STK32B: variants seen among roughly 807,000 people sequenced by gnomAD.
The protein encoded by STK32B is serine/threonine kinase 32B.
A neutral mutation model predicts 52.6 loss-of-function variants in STK32B; 43 were observed. The observed-to-expected ratio is 0.82, with a 90% CI of 0.64 to 1.05. The LOEUF (loss-of-function observed/expected upper bound fraction) is 1.05. Among genes scored for constraint, STK32B ranks in the 50% least tolerant of loss-of-function variants. STK32B has a pLI of 0.00. For synonymous variants in STK32B, 238 were observed against 204.3 expected, an observed-to-expected ratio of 1.17 and a Z score of -1.41; for missense variants, 621 against 534.6, an observed-to-expected ratio of 1.16 and a Z score of -1.59.
the STK32B span, among the ~76,000 whole-genome samples, chr4:5,032,476 C>CAAA: frequency 0.018 from 864 of 47,710 alleles, 1 homozygote; most frequent in East Asian, 0.029. Flanking sequence ...GACTCCATCT[C>CAAA]AAAAAAAAAA....
intron 1 of STK32B, among the ~76,000 whole-genome samples, chr4:5,074,231 C>T (rs185628140): frequency 1.6e-3 from 245 of 149,702 alleles, no homozygotes; most frequent in African/African-American, 5.7e-3. Flanking sequence ...AAATATATTT[C>T]CTTATTTGGC....
intron 3 of STK32B, among the ~76,000 whole-genome samples, chr4:5,329,798 G>C (rs1290867248): frequency 6.6e-6 from 1 of 152,194 alleles, no homozygotes; most frequent in African/African-American, 2.4e-5. Context: ...CAATGGGTAA[G>C]ATACACAAAG....
intron 5 of STK32B, among the ~76,000 whole-genome samples, chr4:5,411,925 GA>G (rs780722862): frequency 2.7e-4 from 41 of 152,276 alleles, no homozygotes; most frequent in Non-Finnish European, 5.3e-4. Flanking sequence ...CCTGGTAGTG[GA>G]AGTATGAGCG....
chr4:5,196,949 C>A (rs1721728619), intron 3 of STK32B, among the ~76,000 whole-genome samples: 2 of 152,092 alleles, frequency 1.3e-5, no homozygotes, highest in Non-Finnish European at 2.9e-5. Flanking sequence ...ATATGATGCC[C>A]CGTCCTCTCC....
At chr4:5,481,701 G>A (rs537684779) in intron 11 of STK32B, among the ~76,000 whole-genome samples, 1,679 of 152,036 alleles carry the variant, frequency 0.011, 30 homozygotes, top group African/African-American at 0.038. Context: ...TTTCTTCTAG[G>A]GTTTTTATGG....
intron 3 of STK32B, among the ~76,000 whole-genome samples, chr4:5,249,013 C>T (rs567686944): frequency 6.6e-6 from 1 of 152,102 alleles, no homozygotes; most frequent in Admixed American, 6.6e-5. Flanking sequence ...ACCGACATGG[C>T]ACATGTATAC....
intron 7 of STK32B, among the ~76,000 whole-genome samples, chr4:5,449,979 G>A (rs1195102461): frequency 2.0e-5 from 3 of 152,112 alleles, no homozygotes; most frequent in African/African-American, 7.2e-5. Flanking sequence ...TAGAATAAAT[G>A]TAATGCACTT....
rs571840641 is a variant in STK32B, at chr4:5,371,802, CA to C, written c.435-26401del. 1.7e-3 allele frequency among the ~76,000 whole-genome samples: 261 copies of C among 152,348 alleles called. 1 individual carries two copies. Among genetic ancestry groups the C allele is most frequent in the African/African-American group, 5.1e-3 (213 of 41,576 alleles). On this transcript the variant is annotated intron_variant, in intron 4 of 11. Transcript: ENST00000282908. ...CTGAGTTCCAATGAAACTGTATTTC[CA>C]AAATCAAGACTTGAGCCCCAGGACA...
intron 4 of STK32B, among the ~76,000 whole-genome samples, 184 bp downstream of exon 4, chr4:5,331,577 T>A (rs1560326745): frequency 6.6e-6 from 1 of 152,140 alleles, no homozygotes; most frequent in South Asian, 2.1e-4. Flanking sequence ...AGCACCTACA[T>A]CTCCCATCCT....
intron 2 of STK32B, among the ~76,000 whole-genome samples, chr4:5,161,077 T>C (rs530237091): frequency 3.3e-4 from 51 of 152,310 alleles, no homozygotes; most frequent in African/African-American, 1.1e-3. Context: ...ACATATTGTC[T>C]GATTATCCCA....
chr4:5,347,869 C>T (rs955516492), intron 4 of STK32B, among the ~76,000 whole-genome samples: 10 of 152,166 alleles, frequency 6.6e-5, no homozygotes, highest in African/African-American at 2.4e-4. Context: ...TTTCCTAAGT[C>T]CTCCCCAGCC....
chr4:5,129,002 C>G (rs906664164), intron 1 of STK32B, among the ~76,000 whole-genome samples: 1 of 152,154 alleles, frequency 6.6e-6, no homozygotes, highest in Non-Finnish European at 1.5e-5. Context: ...GATTCCAGCC[C>G]TTGTGTAGCC....
chr4:5,161,535 G>A (rs1218144518), intron 2 of STK32B, among the ~76,000 whole-genome samples: 1 of 152,164 alleles, frequency 6.6e-6, no homozygotes, highest in Non-Finnish European at 1.5e-5. Context: ...AAAAAGGTGA[G>A]ACCATCTGTA....
chr4:5,042,829 G>T, the STK32B span, among the ~76,000 whole-genome samples: 1 of 152,108 alleles, frequency 6.6e-6, no homozygotes, highest in African/African-American at 2.4e-5. Context: ...AGCAGGGGCC[G>T]GGCGCGGTGG....
At position 5,470,177 on chromosome 4, in the gene STK32B, T is replaced by C. The variant is rs929202260; in HGVS notation, c.1106+2107T>C. 1.3e-5 allele frequency among the ~76,000 whole-genome samples: 2 copies of C among 152,210 alleles called. No individual in the cohort carries two copies. Among genetic ancestry groups the C allele is most frequent in the Admixed American group, 1.3e-4 (2 of 15,280 alleles). On this transcript the variant is annotated intron_variant, in intron 11 of 11. Transcript: ENST00000282908. This position sits in a 1 kb window ranked among gnomAD's most constrained non-coding sequence, Gnocchi z 4.6. The stretch of plus-strand genomic sequence containing the variant: ...TCATTTAGGAGTTGCGTCTGCTGCT[T>C]TTAGCAGAAACCTCACTATATAGGA...
chr4:5,162,044 C>T (rs1049859417), intron 2 of STK32B, among the ~76,000 whole-genome samples: 6 of 152,076 alleles, frequency 3.9e-5, no homozygotes, highest in East Asian at 1.9e-4. Context: ...GAGTCAGACC[C>T]GCAGCTGCCC....
At chr4:5,353,838 C>A (rs371128861) in intron 4 of STK32B, among the ~76,000 whole-genome samples, 3 of 152,074 alleles carry the variant, frequency 2.0e-5, no homozygotes, top group African/African-American at 7.2e-5. Flanking sequence ...ATGGAGATTT[C>A]CAAAAAACTA....
intron 1 of STK32B, among the ~76,000 whole-genome samples, chr4:5,090,392 T>TTTTTC (rs1161824012): frequency 4.7e-5 from 5 of 107,086 alleles, no homozygotes; most frequent in African/African-American, 8.9e-5. Context: ...TTTTTTTTTT[T>TTTTTC]CGAGACAGAG....
rs976183716 is a variant in STK32B at position 5,396,658 on chromosome 4, C to G, written c.435-1549C>G. Among the ~76,000 whole-genome samples, 2 of 152,174 alleles carry G rather than the reference C, an allele frequency of 1.3e-5. No homozygotes were observed. The highest frequency in any genetic ancestry group is 6.5e-5 in the Admixed American group (1 of 15,272). ...GGGCCACAGCCATCTCCTCCCTGGT[C>G]CCCACACCACACATTAAATCATCTC... On this transcript the variant is annotated intron_variant, in intron 4 of 11. Transcript: ENST00000282908. The surrounding 1 kb of genome is among the most constrained non-coding windows in gnomAD (Gnocchi z 4.7).
Sources: allele counts gnomAD v4.1 joint callset (sites outside exome capture counted in the v4.1 genomes callset), GRCh38; gene constraint gnomAD v4.1.1; non-coding constraint Gnocchi (gnomAD v3.1); transcripts MANE v1.5; gene names NCBI Gene and HGNC (gene_info 2026-07-23, HGNC 2026-07-21).